The following ZNF571 variants were observed in gnomAD, a reference collection of about 807,000 sequenced individuals.
ZNF571 encodes zinc finger protein 571.
A neutral mutation model predicts 7.7 loss-of-function variants in ZNF571; 4 were observed. The observed-to-expected ratio is 0.52, with a 90% confidence interval of 0.25 to 1.18. The LOEUF (loss-of-function observed/expected upper bound fraction) is 1.18. Ranked by LOEUF, ZNF571 falls within the 50% of genes most tolerant of loss-of-function variation. The pLI, the probability that ZNF571 is intolerant of heterozygous loss-of-function variation, is 0.14. For synonymous variants in ZNF571, 251 were observed against 232.4 expected (o/e 1.08, Z -0.73); for missense variants, 704 against 726.9 (o/e 0.97, Z 0.36).
chr19:37,574,185 T>C (rs2043165597), intron 3 of ZNF571, among the ~76,000 whole-genome samples: 1 of 152,228 alleles, frequency 6.6e-6, no homozygotes, highest in Admixed American at 6.5e-5. Flanking sequence ...TTAATAGATA[T>C]GCCTTTCCTT....
rs765132300 is a variant in ZNF571, at chr19:37,565,281, T to C, written c.1147A>G (p.Arg383Gly). Residue 383 changes from arginine (R) to glycine (G), a missense_variant, in exon 4 of 4, where the codon AGA becomes GGA. Arg to Gly is a moderately radical substitution (Grantham distance 125). Transcript: ENST00000451802. ...FRGSQLTYHL[R>G]VHSGERPYKC... The stretch of plus-strand genomic sequence containing the variant: ...TAAGGTCTCTCACCTGAATGAACTC[T>C]CAGGTGGTAAGTAAGTTGTGAGCCA... 3 of 1,611,330 alleles carry C rather than the reference T, an allele frequency of 1.9e-6. No individual in the cohort carries two copies. The highest frequency in any genetic ancestry group is 1.1e-5 in the South Asian group (1 of 90,608).
rs764458251 is a variant in ZNF571 at position 37,565,522 on chromosome 19, ACTATGAATTCTCT to A, written c.893_905del (p.Gln298LeufsTer49). On this transcript the variant is annotated frameshift_variant, in exon 4 of 4. Coordinates refer to ENST00000451802, the MANE Select transcript of ZNF571 (RefSeq NM_016536.5). LOFTEE classifies it low-confidence loss of function (END_TRUNC). ...CCTTACACTCATAAGGTTTCTCACCACTATGAATTCTCTGATGGTAAGTAAGTTGAGAGCCAAG... is the reference window on the plus strand; with the variant it reads ...CCTTACACTCATAAGGTTTCTCACCAGATGGTAAGTAAGTTGAGAGCCAAG... The A allele has an allele frequency of 1.2e-6, 2 of 1,613,758 alleles. No homozygotes were observed. Among genetic ancestry groups the A allele is most frequent in the Admixed American group, 3.3e-5 (2 of 59,972 alleles).
chr19:37,593,363 TAA>T (rs1349035421), intron 1 of ZNF571, among the ~76,000 whole-genome samples: 1 of 152,210 alleles, frequency 6.6e-6, no homozygotes, highest in African/African-American at 2.4e-5. Flanking sequence ...GTTAAAATTT[TAA>T]AACTCTTCAA....
chr19:37,579,899 A>G (rs1600507889), intron 3 of ZNF571, among the ~76,000 whole-genome samples: 1 of 152,342 alleles, frequency 6.6e-6, no homozygotes, highest in Non-Finnish European at 1.5e-5. Flanking sequence ...TTGTCTATCC[A>G]AAAGTGTACA....
intron 3 of ZNF571, among the ~76,000 whole-genome samples, chr19:37,568,794 G>A (rs1023860802): frequency 1.3e-5 from 2 of 151,994 alleles, no homozygotes; most frequent in Non-Finnish European, 2.9e-5. Context: ...CTGCAAAAGG[G>A]GTGATGAGTG....
intron 2 of ZNF571, 57 bp from the exon 3 acceptor site, chr19:37,584,154 G>T (rs747227224): frequency 8.1e-6 from 13 of 1,608,792 alleles, no homozygotes; most frequent in Non-Finnish European, 1.1e-5. Flanking sequence ...GAAGTGAAAT[G>T]AGAAGAAAAT....
chr19:37,566,445 A>C (rs1050331890), intron 3 of ZNF571, 154 bp from the exon 4 acceptor site: 77 of 816,888 alleles, frequency 9.4e-5, no homozygotes, highest in Non-Finnish European at 1.3e-4. Flanking sequence ...TAAAGGCACA[A>C]GGAGAGAATA....
At chr19:37,589,358 T>C (rs2043797588) in intron 1 of ZNF571, among the ~76,000 whole-genome samples, 1 of 151,068 alleles carries the variant, frequency 6.6e-6, no homozygotes, top group Non-Finnish European at 1.5e-5. Context: ...AATGACAAAA[T>C]GGGAGAAAAT....
intron 3 of ZNF571, 166 bp downstream of exon 3, chr19:37,583,805 G>A: frequency 1.7e-6 from 1 of 605,384 alleles, no homozygotes; most frequent in Non-Finnish European, 2.8e-6. Context: ...AGAGAAAGAT[G>A]TGACAGTCTA....
rs574842859 is a variant in ZNF571, at chr19:37,574,740, G to C, written c.137-8449C>G. 2.0e-5 allele frequency among the ~76,000 whole-genome samples: 3 copies of C among 152,196 alleles called. No homozygotes were observed. In the East Asian group the frequency reaches 5.8e-4, roughly 29 times the overall value. On this transcript the variant is annotated intron_variant, in intron 3 of 3. Transcript: ENST00000451802. ...AATCATTTCTAACTTCCAAATGATA[G>C]TTTCAATAACCATCTCCTAATGAAA...
intron 1 of ZNF571, among the ~76,000 whole-genome samples, chr19:37,589,182 A>G (rs1460924089): frequency 6.8e-6 from 1 of 146,912 alleles, no homozygotes; most frequent in African/African-American, 2.5e-5. Context: ...CCTGGGCGAC[A>G]AGAGCCAAAC....
At chr19:37,587,780 C>T (rs374780512) in intron 1 of ZNF571, among the ~76,000 whole-genome samples, 2 of 152,178 alleles carry the variant, frequency 1.3e-5, no homozygotes, top group South Asian at 2.1e-4. Context: ...GTCCTCCCCG[C>T]TAACCAATTT....
At chr19:37,591,757 T>C (rs2043874427) in intron 1 of ZNF571, among the ~76,000 whole-genome samples, 1 of 151,976 alleles carries the variant, frequency 6.6e-6, no homozygotes, top group Non-Finnish European at 1.5e-5. Flanking sequence ...TTGGTCAGGC[T>C]GGCCTCAAAC....
chr19:37,576,776 A>G (rs1432615428), intron 3 of ZNF571, among the ~76,000 whole-genome samples: 2 of 152,208 alleles, frequency 1.3e-5, no homozygotes, highest in African/African-American at 4.8e-5. Context: ...AAATACCCCA[A>G]TATGCTTAGC....
intron 1 of ZNF571, among the ~76,000 whole-genome samples, chr19:37,590,920 G>C (rs967261882): frequency 6.6e-6 from 1 of 151,906 alleles, no homozygotes; most frequent in Non-Finnish European, 1.5e-5. Context: ...GACAGTTACT[G>C]TTGTTTTCAA....
rs766026122 is a variant in ZNF571 at position 37,566,148 on chromosome 19, C to T, written c.280G>A (p.Gly94Ser). 1.9e-6 allele frequency: 3 copies of T among 1,613,982 alleles called. No homozygotes were observed. The highest frequency in any genetic ancestry group is 1.7e-6 in the Non-Finnish European group (2 of 1,179,900). ...CTTGCTTCTTGACCCTCTAAGTTGC[C>T]TTTGCACTCCATATTGTCTCCAAGA... ...NGLGDNMECK[G>S]NLEGQEASQE... is the part of the protein sequence containing the mutation. The change falls in exon 4 of 4, where the codon GGC becomes AGC. Residue 94 changes from glycine to serine, a missense_variant. By Grantham distance (56) the Gly-to-Ser change is moderately conservative. Coordinates refer to ENST00000451802, the MANE Select transcript of ZNF571 (RefSeq NM_016536.5).
chr19:37,575,503 C>G (rs536822783), intron 3 of ZNF571: 1 of 152,166 alleles, frequency 6.6e-6, no homozygotes, highest in South Asian at 2.1e-4. Context: ...AGCTTATTAC[C>G]GCCAACAGGA....
intron 3 of ZNF571, among the ~76,000 whole-genome samples, chr19:37,583,165 T>G (rs918089171): frequency 2.6e-5 from 4 of 152,162 alleles, no homozygotes; most frequent in African/African-American, 9.7e-5. Context: ...ACAGCCAACT[T>G]TATTCAGGTC....
intron 1 of ZNF571, chr19:37,594,475 C>T (rs917543917): frequency 1.3e-5 from 2 of 152,324 alleles, no homozygotes; most frequent in Non-Finnish European, 2.9e-5. Flanking sequence ...GGCAGGGGCT[C>T]CAGGGGCACA....
Sources: allele counts gnomAD v4.1 joint callset (sites outside exome capture counted in the v4.1 genomes callset), GRCh38; gene constraint gnomAD v4.1.1; transcripts MANE v1.5; gene names NCBI Gene and HGNC (gene_info 2026-07-23, HGNC 2026-07-21).